EXT1: variants seen among roughly 807,000 people sequenced by gnomAD.
EXT1 encodes the protein exostosin-1.
Under a neutral mutation model 82.5 loss-of-function variants are expected in EXT1, and 20 were observed. The ratio of observed to expected loss-of-function variants is 0.24; its 90% CI spans 0.17 to 0.35. The LOEUF (loss-of-function observed/expected upper bound fraction) is 0.35. EXT1 is among the 10% of genes least tolerant of loss of function. EXT1 has a pLI of 1.00. For missense variants in EXT1, 757 were observed against 936.5 expected, an observed-to-expected ratio of 0.81 and a Z score of 2.50; for synonymous variants, 348 against 350.8, an observed-to-expected ratio of 0.99 and a Z score of 0.09.
At chr8:118,009,403 T>C (rs2129829355) in intron 1 of EXT1, among the ~76,000 whole-genome samples, 1 of 152,308 alleles carries the variant, frequency 6.6e-6, no homozygotes, top group African/African-American at 2.4e-5. Flanking sequence ...TTTGTGGCTC[T>C]AATCCACAGA....
intron 1 of EXT1, among the ~76,000 whole-genome samples, chr8:117,950,566 G>C (rs1217302645): frequency 6.6e-6 from 1 of 152,182 alleles, no homozygotes; most frequent in Non-Finnish European, 1.5e-5. Flanking sequence ...GAGGGCTAAA[G>C]GAAAGAGGCC....
intron 1 of EXT1, among the ~76,000 whole-genome samples, chr8:117,866,541 A>C (rs1812776825): frequency 6.6e-6 from 1 of 152,210 alleles, no homozygotes; most frequent in Admixed American, 6.5e-5. Context: ...ACCAAGCTCA[A>C]GGACAGTGGG....
chr8:117,988,606 G>C (rs537570385), intron 1 of EXT1, among the ~76,000 whole-genome samples: 1 of 152,276 alleles, frequency 6.6e-6, no homozygotes, highest in African/African-American at 2.4e-5. Context: ...AAACAGTGCA[G>C]GCCTGAGCTT....
At chr8:118,089,836 G>A (rs1817490606) in intron 1 of EXT1, among the ~76,000 whole-genome samples, 1 of 152,182 alleles carries the variant, frequency 6.6e-6, no homozygotes, top group Admixed American at 6.5e-5. Flanking sequence ...TGTGTGGTGT[G>A]CGCGTGCATG....
intron 1 of EXT1, among the ~76,000 whole-genome samples, chr8:117,987,390 A>C (rs1486780390): frequency 1.3e-5 from 2 of 152,208 alleles, no homozygotes; most frequent in Non-Finnish European, 2.9e-5. Flanking sequence ...GTTGGGGAGA[A>C]CTGGCATTCT....
At chr8:117,966,708 A>G (rs1010018909) in intron 1 of EXT1, among the ~76,000 whole-genome samples, 1 of 152,228 alleles carries the variant, frequency 6.6e-6, no homozygotes, top group African/African-American at 2.4e-5. Flanking sequence ...ATAATTCTCC[A>G]TTTTGATGAA....
intron 1 of EXT1, among the ~76,000 whole-genome samples, chr8:117,888,359 G>A (rs1813185045): frequency 6.6e-6 from 1 of 152,090 alleles, no homozygotes; most frequent in Non-Finnish European, 1.5e-5. Context: ...TAGATTCATG[G>A]TCCTTGTGGA....
intron 1 of EXT1, among the ~76,000 whole-genome samples, chr8:117,963,301 T>C (rs1322624008): frequency 6.6e-6 from 1 of 152,188 alleles, no homozygotes; most frequent in Non-Finnish European, 1.5e-5. Flanking sequence ...TCCAACTAGC[T>C]GCCACTGGAC....
intron 1 of EXT1, among the ~76,000 whole-genome samples, chr8:117,859,205 G>A (rs1290303822): frequency 2.0e-5 from 3 of 151,918 alleles, no homozygotes; most frequent in Admixed American, 2.0e-4. Flanking sequence ...TTTTATTTTC[G>A]TGGTCTGGAA....
chr8:117,957,322 A>G (rs375118837), intron 1 of EXT1, among the ~76,000 whole-genome samples: 4 of 152,374 alleles, frequency 2.6e-5, no homozygotes, highest in South Asian at 4.1e-4. Context: ...ACTAAGTTGC[A>G]AACTATGCAA....
chr8:117,858,766 A>AAGGAAGGC (rs1289892313), intron 1 of EXT1, among the ~76,000 whole-genome samples: 97 of 54,634 alleles, frequency 1.8e-3, no homozygotes, highest in East Asian at 0.01. Context: ...GGAAGGAAGG[A>AAGGAAGGC]AGGCAGGCAG....
intron 1 of EXT1, among the ~76,000 whole-genome samples, chr8:117,845,389 C>T (rs1279502846): frequency 6.6e-6 from 1 of 152,136 alleles, no homozygotes; most frequent in Non-Finnish European, 1.5e-5. Context: ...TAAATGTCTA[C>T]TGACAGTTCA....
chr8:118,106,109 CG>C (rs1334474638), intron 1 of EXT1, among the ~76,000 whole-genome samples: 4 of 152,140 alleles, frequency 2.6e-5, no homozygotes, highest in Admixed American at 6.5e-5. Context: ...ATGCCCTCAG[CG>C]GGAGGTGTGT....
intron 1 of EXT1, among the ~76,000 whole-genome samples, chr8:118,098,981 T>G (rs1817669586): frequency 1.5e-5 from 2 of 137,028 alleles, no homozygotes; most frequent in South Asian, 4.3e-4. Flanking sequence ...AATGGAGATC[T>G]TACTCTTAAG....
intron 1 of EXT1, among the ~76,000 whole-genome samples, chr8:118,027,058 C>A (rs1816215756): frequency 6.6e-6 from 1 of 152,122 alleles, no homozygotes; most frequent in Non-Finnish European, 1.5e-5. Context: ...CTGGGCAACA[C>A]AGTGAGACCC....
rs1823130506 is a variant in EXT1 at position 117,799,430 on chromosome 8, C to T, written c.*282G>A. 2.4e-6 allele frequency: 1 copy of T among 420,622 alleles called. No individual in the cohort carries two copies. The highest frequency in any genetic ancestry group is 4.3e-6 in the Non-Finnish European group (1 of 231,802). The allele number at this position is 420,622 out of a possible 1,614,324, so 26.1% of individuals were successfully genotyped here. A position where few individuals can be genotyped will look rare whatever the true frequency, so the allele number is the denominator to read the frequency against. ...ATTAAAAAAGTTTAAACCTGCATAG[C>T]AATCATTTCAAAAATAATTATTTAA... is the stretch of plus-strand genomic sequence containing the variant. On this transcript the variant is annotated 3_prime_UTR_variant, in exon 11 of 11. Coordinates refer to ENST00000378204, the MANE Select transcript of EXT1 (RefSeq NM_000127.3).
intron 1 of EXT1, among the ~76,000 whole-genome samples, chr8:117,941,739 A>T (rs1814276808): frequency 6.6e-6 from 1 of 152,224 alleles, no homozygotes; most frequent in African/African-American, 2.4e-5. Flanking sequence ...TCAAACACAA[A>T]ACTCACTGTC....
At chr8:118,004,796 T>C (rs1193305911) in intron 1 of EXT1, among the ~76,000 whole-genome samples, 1 of 152,192 alleles carries the variant, frequency 6.6e-6, no homozygotes, top group Non-Finnish European at 1.5e-5. Flanking sequence ...AACTGCGTTA[T>C]TGGTCTCCAA....
At chr8:118,043,053 C>A (rs1262587031) in intron 1 of EXT1, among the ~76,000 whole-genome samples, 1 of 152,186 alleles carries the variant, frequency 6.6e-6, no homozygotes, top group Non-Finnish European at 1.5e-5. Flanking sequence ...GGACTTCCAT[C>A]CTAGGGAGGA....
Sources: gnomAD v4.1 joint callset for allele counts (sites outside exome capture counted in the v4.1 genomes callset) on GRCh38, gnomAD v4.1.1 for gene constraint, MANE v1.5 for transcripts, NCBI Gene and HGNC (gene_info 2026-07-23, HGNC 2026-07-21) for gene names.